The following ABAT variants were observed in gnomAD, a reference collection of about 807,000 sequenced individuals.
The protein encoded by ABAT is 4-aminobutyrate aminotransferase.
ABAT carries 45 observed loss-of-function variants against 64.6 expected under a neutral mutation model. That is an observed-to-expected ratio of 0.70 (90% CI 0.55 to 0.89). The LOEUF (loss-of-function observed/expected upper bound fraction) is 0.89, where lower values mean the gene tolerates loss of function less well. Ranked by LOEUF, ABAT falls within the 40% of genes least tolerant of loss-of-function variation. The pLI is 0.00. For missense variants in ABAT, 633 were observed against 658.4 expected, an observed-to-expected ratio of 0.96 and a Z score of 0.42; for synonymous variants, 297 against 250.5, an observed-to-expected ratio of 1.19 and a Z score of -1.75.
chr16:8,772,774 A>G lies in ABAT; in HGVS notation c.817-6A>G, dbSNP rs140106845. On this transcript the variant is annotated splice_polypyrimidine_tract_variant and splice_region_variant and intron_variant, in intron 11 of 15. Coordinates refer to ENST00000268251, the MANE Select transcript of ABAT (RefSeq NM_020686.6). ...ATCGGTGGTCACTTTCCCCTTTGGGATCCAGGTGGAGGATCTGATTGTGAA... is the reference window on the plus strand; with the variant it reads ...ATCGGTGGTCACTTTCCCCTTTGGGGTCCAGGTGGAGGATCTGATTGTGAA... 876 of 1,614,044 alleles carry G rather than the reference A, an allele frequency of 5.4e-4. 7 individuals are homozygous for G. The African/African-American group carries it at 0.011, about 20-fold the overall frequency.
At position 8,743,444 on chromosome 16, in the gene ABAT, T is replaced by TATATATATATATATATATATACAC. The variant is rs368568293; in HGVS notation, c.71-2556_71-2555insTATATATATATATATATATACACA. Among the ~76,000 whole-genome samples, 139 of 117,640 alleles carry TATATATATATATATATATATACAC rather than the reference T, an allele frequency of 1.2e-3. 3 individuals are homozygous for TATATATATATATATATATATACAC. The highest frequency in any genetic ancestry group is 3.0e-3 in the African/African-American group (80 of 26,784). The allele number at this position is 117,640 out of a possible 152,430, so 77.2% of individuals were successfully genotyped here. On this transcript the variant is annotated intron_variant, in intron 2 of 15. Coordinates refer to ENST00000268251, the MANE Select transcript of ABAT (RefSeq NM_020686.6). ...ACAGTTATATATATATATATATATA[T>TATATATATATATATATATATACAC]ACACACATTTTATAATATATTATAT...
chr16:8,735,882 G>C, intron 2 of ABAT, 73 bp downstream of exon 2: 7 of 1,379,882 alleles, frequency 5.1e-6, no homozygotes, highest in Non-Finnish European at 7.0e-6. Context: ...TCCTGGGCTG[G>C]AAGAGCCCTT....
chr16:8,772,230 C>T (rs1274696599), intron 11 of ABAT, among the ~76,000 whole-genome samples: 3 of 151,000 alleles, frequency 2.0e-5, no homozygotes, highest in Middle Eastern at 3.2e-3. Context: ...GTGCCAGACT[C>T]TGCTGTATTT....
chr16:8,714,203 C>T (rs1175358935), intron 1 of ABAT, among the ~76,000 whole-genome samples: 1 of 152,206 alleles, frequency 6.6e-6, no homozygotes, highest in Non-Finnish European at 1.5e-5. Flanking sequence ...TGCAACACCA[C>T]AGTCCGCCTG....
intron 14 of ABAT, among the ~76,000 whole-genome samples, chr16:8,778,684 A>AAC (rs2060339191): frequency 2.0e-5 from 3 of 151,996 alleles, no homozygotes; most frequent in African/African-American, 4.8e-5. Context: ...AGGCTGAAGC[A>AAC]CAAGAATCTT....
chr16:8,767,472 T>C (rs770929171), intron 9 of ABAT, among the ~76,000 whole-genome samples: 2 of 152,056 alleles, frequency 1.3e-5, no homozygotes, highest in African/African-American at 2.4e-5. Flanking sequence ...GCCTGAGTAG[T>C]AGGGAGCCAG....
intron 1 of ABAT, among the ~76,000 whole-genome samples, chr16:8,678,387 A>C (rs2057253797): frequency 6.6e-6 from 1 of 152,110 alleles, no homozygotes; most frequent in Non-Finnish European, 1.5e-5. Context: ...CACAGCACCC[A>C]ACCTACACAG....
chr16:8,736,007 G>A lies in ABAT; in HGVS notation c.70+198G>A. On this transcript the variant is annotated intron_variant, in intron 2 of 15. Coordinates refer to ENST00000268251, the MANE Select transcript of ABAT (RefSeq NM_020686.6). ...CTGGGTATTTTATGAAGAAAAAGAG[G>A]TTTAATGGTCTCACAGTTTCATATG... The A allele has an allele frequency of 5.1e-6, 3 of 583,286 alleles. No homozygotes were observed. In the South Asian group the frequency reaches 5.9e-5, roughly 12 times the overall value. 36.1% of individuals were successfully genotyped at this position (583,286 alleles called of 1,614,324 possible).
chr16:8,695,602 T>C (rs1289076016), intron 1 of ABAT, among the ~76,000 whole-genome samples: 1 of 152,230 alleles, frequency 6.6e-6, no homozygotes, highest in Non-Finnish European at 1.5e-5. Context: ...TTTAAAAGCA[T>C]CAGTGATGTC....
At chr16:8,733,001 ACGGGGCGG>A (rs2058786734) in intron 1 of ABAT, among the ~76,000 whole-genome samples, 2 of 144,370 alleles carry the variant, frequency 1.4e-5, no homozygotes, top group African/African-American at 5.4e-5. Flanking sequence ...TCCCTCCCGG[ACGGGGCGG>A]CTGGCCTGGC....
chr16:8,777,274 C>G (rs1011524637), intron 14 of ABAT, among the ~76,000 whole-genome samples: 4 of 151,968 alleles, frequency 2.6e-5, no homozygotes, highest in African/African-American at 4.8e-5. Context: ...TCTCTCACCC[C>G]CTCTAGTGTG....
rs1390975236 is a variant in ABAT at position 8,776,404 on chromosome 16, G to A, written c.1183G>A (p.Val395Ile). 1.2e-6 allele frequency: 2 copies of A among 1,614,198 alleles called. No homozygotes were observed. The highest frequency in any genetic ancestry group is 8.5e-7 in the Non-Finnish European group (1 of 1,180,030). ...GTCCAAGAACCTGTTGCTGGCTGAG[G>A]TCATCAACATCATCAAGCGGGAGGA... ...DPSKNLLLAE[V>I]INIIKREDLL... The change falls in exon 14 of 16, where the codon GTC becomes ATC. Residue 395 changes from valine (V) to isoleucine (I), a missense_variant. Physicochemically the swap from Val to Ile is conservative, Grantham distance 29. Transcript: ENST00000268251. The surrounding 1 kb of genome is among the most constrained non-coding windows in gnomAD (Gnocchi z 4.4).
intron 11 of ABAT, among the ~76,000 whole-genome samples, chr16:8,771,666 A>T (rs1360324298): frequency 6.6e-6 from 1 of 151,820 alleles, no homozygotes; most frequent in Non-Finnish European, 1.5e-5. Context: ...ATGGGGTTTC[A>T]CCATGGTAGC....
chr16:8,779,782 T>C (rs2060378887), intron 15 of ABAT, among the ~76,000 whole-genome samples, 192 bp downstream of exon 15: 1 of 152,190 alleles, frequency 6.6e-6, no homozygotes, highest in Non-Finnish European at 1.5e-5. Context: ...ATTTATTTAC[T>C]CAACAAGCGT....
chr16:8,699,266 T>C (rs1172633991), intron 1 of ABAT, among the ~76,000 whole-genome samples: 2 of 152,196 alleles, frequency 1.3e-5, no homozygotes, highest in East Asian at 1.9e-4. Context: ...ATCTTTGGAA[T>C]GTACAAATGG....
intron 11 of ABAT, among the ~76,000 whole-genome samples, chr16:8,770,912 T>C (rs1017322624): frequency 6.6e-5 from 10 of 152,246 alleles, no homozygotes; most frequent in African/African-American, 2.4e-4. Context: ...AATTCATTTA[T>C]TTAGGTCTAA....
At chr16:8,740,608 GC>G (rs1477883568) in intron 2 of ABAT, among the ~76,000 whole-genome samples, 50 of 152,334 alleles carry the variant, frequency 3.3e-4, no homozygotes, top group African/African-American at 7.7e-4. Flanking sequence ...GCATTTTCCT[GC>G]TTCTCCATGG....
intron 5 of ABAT, among the ~76,000 whole-genome samples, chr16:8,754,833 C>G (rs2142801018): frequency 6.6e-6 from 1 of 152,046 alleles, no homozygotes; most frequent in South Asian, 2.1e-4. Flanking sequence ...ATTCTCCTGC[C>G]TCAGCCTCCC....
chr16:8,749,189 A>T (rs1312129633), intron 4 of ABAT, among the ~76,000 whole-genome samples: 14 of 149,042 alleles, frequency 9.4e-5, no homozygotes, highest in Admixed American at 2.7e-4. Flanking sequence ...CCGGTTTCAA[A>T]CAATTCTCCT....
Sources: allele counts gnomAD v4.1 joint callset (sites outside exome capture counted in the v4.1 genomes callset), GRCh38; gene constraint gnomAD v4.1.1; non-coding constraint Gnocchi (gnomAD v3.1); transcripts MANE v1.5; gene names NCBI Gene and HGNC (gene_info 2026-07-23, HGNC 2026-07-21).